CSNK2A1: variants seen among roughly 807,000 people sequenced by gnomAD.
CSNK2A1 encodes casein kinase II subunit alpha.
CSNK2A1 carries 10 observed loss-of-function variants against 62.9 expected under a neutral mutation model. The ratio of observed to expected loss-of-function variants is 0.16; its 90% CI spans 0.10 to 0.27. The LOEUF (loss-of-function observed/expected upper bound fraction) is 0.27, where lower values mean the gene tolerates loss of function less well. Among genes scored for constraint, CSNK2A1 ranks in the 10% least tolerant of loss-of-function variants. CSNK2A1 has a pLI of 1.00. For synonymous variants in CSNK2A1, 124 were observed against 167.8 expected, an observed-to-expected ratio of 0.74 and a Z score of 2.02; for missense variants, 160 against 492.0, an observed-to-expected ratio of 0.33 and a Z score of 6.38.
chr20:493,074 T>A lies in CSNK2A1; in HGVS notation c.511-710A>T, dbSNP rs76866733. ...CTGCTCTGGCACTAAGTTTACTGCC[T>A]GTATCTCAAAACTAAACCTTTGATT... On this transcript the variant is annotated intron_variant, in intron 8 of 13. Coordinates refer to ENST00000217244, the MANE Select transcript of CSNK2A1 (RefSeq NM_177559.3). Among the ~76,000 whole-genome samples the A allele has an allele frequency of 3.0e-3, 464 of 152,322 alleles. 2 individuals carry two copies. Among genetic ancestry groups the A allele is most frequent in the Non-Finnish European group, 5.3e-3 (361 of 68,030 alleles).
At chr20:488,926 G>C in intron 10 of CSNK2A1, 148 bp from the exon 11 acceptor site, 1 of 657,298 alleles carries the variant, frequency 1.5e-6, no homozygotes, top group Non-Finnish European at 2.4e-6. Flanking sequence ...AACTCAATGT[G>C]ATAGTGTTAG....
chr20:479,260 C>G lies in CSNK2A1; in HGVS notation c.*4701G>C, dbSNP rs1472424354. 2 of 152,118 alleles carry G rather than the reference C, an allele frequency of 1.3e-5. No homozygotes were observed. The highest frequency in any genetic ancestry group is 4.8e-5 in the African/African-American group (2 of 41,412). The allele number at this position is 152,118 out of a possible 1,614,324, so 9.4% of individuals were successfully genotyped here. A position where few individuals can be genotyped will look rare whatever the true frequency, so the allele number is the denominator to read the frequency against. On this transcript the variant is annotated 3_prime_UTR_variant, in exon 14 of 14. Coordinates refer to ENST00000217244, the MANE Select transcript of CSNK2A1 (RefSeq NM_177559.3). ...CAACTGTACAATTTAGAAGAGAAAC[C>G]AACATTTGGTGTAACTCTACCATAT...
At chr20:537,361 GT>G (rs1162397252) in intron 1 of CSNK2A1, among the ~76,000 whole-genome samples, 1 of 152,100 alleles carries the variant, frequency 6.6e-6, no homozygotes, top group Non-Finnish European at 1.5e-5. Context: ...GCTACGTAGG[GT>G]TTTTTAATGT....
At chr20:492,001 T>C (rs1300405555) in intron 9 of CSNK2A1, among the ~76,000 whole-genome samples, 2 of 152,216 alleles carry the variant, frequency 1.3e-5, no homozygotes, top group Non-Finnish European at 2.9e-5. Context: ...GAACATATCT[T>C]TGGCTACTTT....
rs976303599 is a variant in CSNK2A1 at position 486,242 on chromosome 20, C to T, written c.1060+134G>A. 4.4e-6 allele frequency: 4 copies of T among 902,398 alleles called. No homozygotes were observed. In the African/African-American group the frequency reaches 5.0e-5, roughly 11 times the overall value. 55.9% of individuals were successfully genotyped at this position (902,398 alleles called of 1,614,324 possible). ...TAAAGTATACCAAATGTCAAGCATGCTGAAACCTGGTTAAAAAAAAGTCAC... is the reference window on the plus strand; with the variant it reads ...TAAAGTATACCAAATGTCAAGCATGTTGAAACCTGGTTAAAAAAAAGTCAC... On this transcript the variant is annotated intron_variant, in intron 13 of 13. Transcript: ENST00000217244.
intron 2 of CSNK2A1, among the ~76,000 whole-genome samples, chr20:517,039 T>C (rs79322198): frequency 0.032 from 4,899 of 152,308 alleles, 132 homozygotes; most frequent in South Asian, 0.087. Flanking sequence ...ACACCTTTTA[T>C]GCACTGCTGC....
chr20:489,368 T>A (rs1346810993), intron 10 of CSNK2A1: 1 of 222,310 alleles, frequency 4.5e-6, no homozygotes. Flanking sequence ...TTCTTGTGAA[T>A]GAAAGAGCCC....
At chr20:506,375 A>C (rs2018602592) in intron 3 of CSNK2A1, 1 of 152,208 alleles carries the variant, frequency 6.6e-6, no homozygotes, top group South Asian at 2.1e-4. Context: ...AGCTCTGGGG[A>C]TAGTCCATGC....
chr20:493,307 C>T (rs2018272994), intron 8 of CSNK2A1, among the ~76,000 whole-genome samples: 1 of 152,180 alleles, frequency 6.6e-6, no homozygotes, highest in Non-Finnish European at 1.5e-5. Context: ...CAAGCCACCA[C>T]CACCTCTTGT....
intron 2 of CSNK2A1, among the ~76,000 whole-genome samples, chr20:521,122 TGA>T (rs1012567848): frequency 1.3e-5 from 2 of 152,178 alleles, no homozygotes; most frequent in African/African-American, 4.8e-5. Flanking sequence ...TTCTGCTCTG[TGA>T]AAGACACTAT....
intron 2 of CSNK2A1, among the ~76,000 whole-genome samples, chr20:513,731 A>T (rs989092309): frequency 6.9e-4 from 104 of 151,616 alleles, no homozygotes; most frequent in Non-Finnish European, 6.3e-4. Context: ...AACTAATGAA[A>T]CTCTTGAGAT....
rs2018153031 is a variant in CSNK2A1 at position 488,710 on chromosome 20, T to A, written c.792A>T (p.Glu264Asp). The A allele has an allele frequency of 6.2e-7, 1 of 1,613,908 alleles. No homozygotes were observed. Among genetic ancestry groups the A allele is most frequent in the Non-Finnish European group, 8.5e-7 (1 of 1,179,944 alleles). ...LYDYIDKYNI[E>D]LDPRFNDILG... The stretch of plus-strand genomic sequence containing the variant: ...AGATATCATTGAAACGTGGATCTAA[T>A]TCAATGTTGTATTTGTCAATATAGT... The change falls in exon 11 of 14, where the codon GAA becomes GAT. Residue 264 changes from glutamate to aspartate, a missense_variant. By Grantham distance (45) the Glu-to-Asp change is conservative. This residue lies in a region of CSNK2A1 where 94 missense variants were observed against 357.6 expected (regional missense o/e 0.26). Transcript: ENST00000217244.
chr20:503,456 G>A, intron 4 of CSNK2A1: 1 of 398,502 alleles, frequency 2.5e-6, no homozygotes, highest in Non-Finnish European at 4.4e-6. Context: ...GTTCTCAAAG[G>A]GCATGTGAAG....
At chr20:485,109 A>AATATACATATATATATATATAT (rs2018062471) in intron 13 of CSNK2A1, among the ~76,000 whole-genome samples, 2 of 24,668 alleles carry the variant, frequency 8.1e-5, no homozygotes, top group African/African-American at 1.4e-4. Context: ...AAAAAAAAAA[A>AATATACATATATATATATATAT]ATATATATAT....
intron 2 of CSNK2A1, among the ~76,000 whole-genome samples, chr20:509,391 T>A (rs1190996502): frequency 6.6e-6 from 1 of 152,234 alleles, no homozygotes; most frequent in Non-Finnish European, 1.5e-5. Context: ...ATAAGTAAGA[T>A]GTTAGAAATA....
chr20:501,884 G>A (rs1034312272), intron 4 of CSNK2A1: 6 of 151,978 alleles, frequency 3.9e-5, no homozygotes, highest in Non-Finnish European at 7.4e-5. Flanking sequence ...GAGGGAAACG[G>A]GGGATTTATT....
rs1344627631 is a variant in CSNK2A1, at chr20:474,887, CTGAGT to C, written c.*9069_*9073del. 5.9e-5 allele frequency: 9 copies of C among 152,268 alleles called. No homozygotes were observed. The highest frequency in any genetic ancestry group is 3.9e-4 in the Admixed American group (6 of 15,306). The allele number at this position is 152,268 out of a possible 1,614,324, so 9.4% of individuals were successfully genotyped here. A position where few individuals can be genotyped will look rare whatever the true frequency, so the allele number is the denominator to read the frequency against. On this transcript the variant is annotated 3_prime_UTR_variant, in exon 14 of 14. Transcript: ENST00000217244. Reference sequence around the variant, plus strand: ...CCTTTCATAACTTTTCCCATTCCTGCTGAGTTAATACTTTTTTGGCTTGTCTTACT... The same window carrying C: ...CCTTTCATAACTTTTCCCATTCCTGCTAATACTTTTTTGGCTTGTCTTACT...
At chr20:523,939 A>T (rs1405428215) in intron 2 of CSNK2A1, among the ~76,000 whole-genome samples, 1 of 151,414 alleles carries the variant, frequency 6.6e-6, no homozygotes, top group Non-Finnish European at 1.5e-5. Context: ...GAGGCTAGGT[A>T]TGTTACCAAG....
At chr20:532,518 A>G (rs2019235250) in intron 1 of CSNK2A1, among the ~76,000 whole-genome samples, 1 of 151,934 alleles carries the variant, frequency 6.6e-6, no homozygotes, top group African/African-American at 2.4e-5. Context: ...GTATGGCACA[A>G]TGGGGTAAAT....
Sources: allele counts gnomAD v4.1 joint callset (sites outside exome capture counted in the v4.1 genomes callset), GRCh38; gene constraint gnomAD v4.1.1; regional missense constraint gnomAD v4.1.1; transcripts MANE v1.5; gene names NCBI Gene and HGNC (gene_info 2026-07-23, HGNC 2026-07-21).